EFCAB5: variants seen among roughly 807,000 people sequenced by gnomAD.
The protein encoded by EFCAB5 is EF-hand calcium-binding domain-containing protein 5.
In EFCAB5, 131 loss-of-function variants were observed where a neutral mutation model predicts 167.9. The observed-to-expected ratio is 0.78, with a 90% CI of 0.68 to 0.90. The LOEUF (loss-of-function observed/expected upper bound fraction) is 0.90, where lower values mean the gene tolerates loss of function less well. Among genes scored for constraint, EFCAB5 ranks in the 40% least tolerant of loss-of-function variants. The probability of loss-of-function intolerance (pLI) is 0.00; values close to 1 mark genes in which losing one functional copy is unlikely to be tolerated. For synonymous variants in EFCAB5, 574 were observed against 602.8 expected (o/e 0.95, Z 0.70); for missense variants, 1,663 against 1,745.2 (o/e 0.95, Z 0.84).
chr17:30,057,511 AG>A (rs1353734168), intron 12 of EFCAB5, among the ~76,000 whole-genome samples, 164 bp from the exon 13 acceptor site: 2 of 152,166 alleles, frequency 1.3e-5, no homozygotes, highest in Admixed American at 1.3e-4. Context: ...CTGACAATGG[AG>A]AGATGTTTTT....
chr17:29,991,664 G>T (rs2068422933), intron 4 of EFCAB5, among the ~76,000 whole-genome samples: 2 of 152,280 alleles, frequency 1.3e-5, no homozygotes, highest in Middle Eastern at 3.4e-3. Flanking sequence ...GAGCATCATG[G>T]CCATCACGAA....
At chr17:30,071,757 A>G (rs1372943134) in intron 14 of EFCAB5, among the ~76,000 whole-genome samples, 1 of 152,230 alleles carries the variant, frequency 6.6e-6, no homozygotes, top group Non-Finnish European at 1.5e-5. Context: ...GTGTCTATCA[A>G]CAGATGAATG....
chr17:29,952,783 T>C (rs1452308480), intron 3 of EFCAB5, among the ~76,000 whole-genome samples: 1 of 152,158 alleles, frequency 6.6e-6, no homozygotes, highest in African/African-American at 2.4e-5. Context: ...TAGCAGTCTA[T>C]GGGAGGCTTT....
intron 12 of EFCAB5, among the ~76,000 whole-genome samples, chr17:30,056,401 G>A (rs2070269080): frequency 6.6e-6 from 1 of 152,126 alleles, no homozygotes; most frequent in Non-Finnish European, 1.5e-5. Flanking sequence ...TATGGCATTA[G>A]TACCCATTTT....
At position 30,053,806 on chromosome 17, in the gene EFCAB5, C is replaced by T. The variant is rs200892732; in HGVS notation, c.1852C>T (p.Arg618Ter). The change falls in exon 10 of 23, where the codon CGA (arginine) becomes TGA (stop). Residue 618 changes from arginine to a stop codon, truncating the protein, a stop_gained. Transcript: ENST00000394835. LOFTEE classifies it high-confidence loss of function. ...CAGAGAGTCTATTGCAGAACAAGAT[C>T]GACACAAAGGGTCAGTAGCAGAACA... ...SRRESIAEQDRHKGSVAEQGS... is the reference protein window; with the variant it reads ...SRRESIAEQD 215 of 1,613,380 alleles carry T rather than the reference C, an allele frequency of 1.3e-4. 1 individual carries two copies. Among genetic ancestry groups the T allele is most frequent in the Admixed American group, 4.5e-4 (27 of 59,996 alleles).
At chr17:29,996,400 CT>C (rs1402840195) in intron 6 of EFCAB5, 40 bp downstream of exon 6, 4 of 1,483,238 alleles carry the variant, frequency 2.7e-6, no homozygotes, top group East Asian at 2.5e-5. Flanking sequence ...ATTTTTATTT[CT>C]TTTTTGGGTG....
At chr17:30,044,425 A>G (rs1430303533) in intron 8 of EFCAB5, among the ~76,000 whole-genome samples, 1 of 152,106 alleles carries the variant, frequency 6.6e-6, no homozygotes, top group East Asian at 1.9e-4. Context: ...TAAAAATACA[A>G]AAATTAGCTG....
upstream of EFCAB5, among the ~76,000 whole-genome samples, chr17:29,938,958 T>C (rs887517862): frequency 2.0e-5 from 3 of 152,222 alleles, no homozygotes; most frequent in Non-Finnish European, 4.4e-5. Context: ...ACATCTAGAA[T>C]GGTGAATCCT....
chr17:30,027,510 C>G (rs2069362775), intron 7 of EFCAB5, among the ~76,000 whole-genome samples: 1 of 151,844 alleles, frequency 6.6e-6, no homozygotes, highest in South Asian at 2.1e-4. Flanking sequence ...TCTTTTATGG[C>G]AAAGGATACA....
chr17:29,996,221 C>A, intron 5 of EFCAB5, 91 bp from the exon 6 acceptor site: 2 of 1,066,016 alleles, frequency 1.9e-6, no homozygotes, highest in Non-Finnish European at 1.4e-6. Context: ...AACAGAAAGA[C>A]TATAGATGGC....
At chr17:29,936,749 A>G (rs2067248544), upstream of EFCAB5, among the ~76,000 whole-genome samples, 1 of 152,222 alleles carries the variant, frequency 6.6e-6, no homozygotes, top group Admixed American at 6.5e-5. Flanking sequence ...TCTTAAAGAC[A>G]GTTAAAGACC....
intron 10 of EFCAB5, among the ~76,000 whole-genome samples, chr17:30,055,459 C>A (rs1389515738): frequency 6.6e-6 from 1 of 152,028 alleles, no homozygotes; most frequent in Non-Finnish European, 1.5e-5. Context: ...AAGAACAAAT[C>A]TTTTACTTAT....
At chr17:30,059,290 A>G in intron 13 of EFCAB5, 1 of 283,172 alleles carries the variant, frequency 3.5e-6, no homozygotes, top group Non-Finnish European at 6.5e-6. Flanking sequence ...TTTAAGACTG[A>G]GGTCTCACTG....
chr17:30,062,731 A>G (rs2070458037), intron 14 of EFCAB5, among the ~76,000 whole-genome samples: 3 of 152,110 alleles, frequency 2.0e-5, no homozygotes, highest in Non-Finnish European at 1.5e-5. Flanking sequence ...AGCATCCTCA[A>G]GTGGAGCTGC....
At chr17:30,102,622 G>GC (rs2071396653) in intron 22 of EFCAB5, among the ~76,000 whole-genome samples, 2 of 151,952 alleles carry the variant, frequency 1.3e-5, no homozygotes, top group Non-Finnish European at 2.9e-5. Flanking sequence ...AAAATTGAAT[G>GC]CATGTTAATC....
Position 30,056,047 on chromosome 17 carries a change from G to A in EFCAB5, c.2273-17G>A, listed in dbSNP as rs1567746759. The A allele has an allele frequency of 1.2e-6, 2 of 1,613,012 alleles. No individual in the cohort carries two copies. The highest frequency in any genetic ancestry group is 2.2e-5 in the East Asian group (1 of 44,832). On this transcript the variant is annotated splice_polypyrimidine_tract_variant and intron_variant, in intron 11 of 22. Transcript: ENST00000394835. ...AGCGAAGTTTGATTGGCTATGTTATGGAATGTGTTTTTACAGGTGAATTTT... is the reference window on the plus strand; with the variant it reads ...AGCGAAGTTTGATTGGCTATGTTATAGAATGTGTTTTTACAGGTGAATTTT...
rs747544708 is a variant in EFCAB5 at position 30,087,213 on chromosome 17, G to A, written c.3683+47G>A. On this transcript the variant is annotated intron_variant, in intron 19 of 22. Coordinates refer to ENST00000394835, the MANE Select transcript of EFCAB5 (RefSeq NM_198529.4). ...TTTGACTGCTAGAACACATCCTTCT[G>A]GTACAATAGTAGACCTGAAAGACAC... 7.3e-6 allele frequency: 11 copies of A among 1,508,940 alleles called. No homozygotes were observed. In the Admixed American group the frequency reaches 8.4e-5, roughly 12 times the overall value. 93.5% of individuals were successfully genotyped at this position (1,508,940 alleles called of 1,614,324 possible). A position where few individuals can be genotyped will look rare whatever the true frequency, so the allele number is the denominator to read the frequency against.
upstream of EFCAB5, among the ~76,000 whole-genome samples, chr17:29,940,671 A>T (rs2067285773): frequency 6.6e-6 from 1 of 152,132 alleles, no homozygotes; most frequent in South Asian, 2.1e-4. Flanking sequence ...AGCTATTTTT[A>T]AATGTTGGAA....
At chr17:30,020,565 G>A (rs1397203254) in intron 7 of EFCAB5, among the ~76,000 whole-genome samples, 2 of 152,080 alleles carry the variant, frequency 1.3e-5, no homozygotes, top group East Asian at 3.9e-4. Flanking sequence ...AAGTTGGCCA[G>A]GCTGGTCTCA....
Sources: allele counts gnomAD v4.1 joint callset (sites outside exome capture counted in the v4.1 genomes callset), GRCh38; gene constraint gnomAD v4.1.1; transcripts MANE v1.5; gene names NCBI Gene and HGNC (gene_info 2026-07-23, HGNC 2026-07-21).